The following HSF1 variants were observed in gnomAD, a reference collection of about 807,000 sequenced individuals.
The protein encoded by HSF1 is heat shock transcription factor 1, also known as heat shock factor protein 1.
HSF1 carries 32 observed loss-of-function variants against 51.7 expected under a neutral mutation model. The observed-to-expected ratio is 0.62, with a 90% CI of 0.47 to 0.83. HSF1 has a LOEUF of 0.83. Ranked by LOEUF, HSF1 falls within the 40% of genes least tolerant of loss-of-function variation. The pLI, the probability that HSF1 is intolerant of heterozygous loss-of-function variation, is 0.00. For missense variants in HSF1, 727 were observed against 717.0 expected, an observed-to-expected ratio of 1.01 and a Z score of -0.16; for synonymous variants, 396 against 309.7, an observed-to-expected ratio of 1.28 and a Z score of -2.92.
At chr8:144,311,091 G>A (rs543995213) in intron 4 of HSF1, 83 bp from the exon 5 acceptor site, 1 of 1,297,396 alleles carries the variant, frequency 7.7e-7, no homozygotes, top group Non-Finnish European at 1.1e-6. Context: ...CTCCTGCATG[G>A]GGGACAGGGA....
chr8:144,314,065 T>C lies in HSF1; in HGVS notation c.1384+11T>C, dbSNP rs782011517. Reference sequence around the variant, plus strand: ...GCAGCCCGGATTCAGGTGAGCCAAGTCCCACCGGCCCCACCTCTGCCCCCA... The same window carrying C: ...GCAGCCCGGATTCAGGTGAGCCAAGCCCCACCGGCCCCACCTCTGCCCCCA... On this transcript the variant is annotated intron_variant, in intron 12 of 12. Coordinates refer to ENST00000528838, the MANE Select transcript of HSF1 (RefSeq NM_005526.4). 1.4e-5 allele frequency: 22 copies of C among 1,603,092 alleles called. No homozygotes were observed. Among genetic ancestry groups the C allele is most frequent in the Middle Eastern group, 1.9e-4 (1 of 5,356 alleles).
In HSF1 at chr8:144,313,416, G is replaced by A. The variant is rs1588668195; in HGVS notation, c.1143-95G>A. ...GCAGGCGTACACGGGGGTGCAGCCT[G>A]GGGGGTACAGTCAAGGGGAGCCCTT... On this transcript the variant is annotated intron_variant, in intron 9 of 12. Transcript: ENST00000528838. 5 of 800,062 alleles carry A rather than the reference G, an allele frequency of 6.2e-6. No homozygotes were observed. The East Asian group carries it at 8.5e-5, about 14-fold the overall frequency. 49.6% of individuals were successfully genotyped at this position (800,062 alleles called of 1,614,324 possible). A position where few individuals can be genotyped will look rare whatever the true frequency, so the allele number is the denominator to read the frequency against.
At position 144,314,664 on chromosome 8, in the gene HSF1, A is replaced by C; in HGVS notation, c.*334A>C. On this transcript the variant is annotated 3_prime_UTR_variant, in exon 13 of 13. Coordinates refer to ENST00000528838, the MANE Select transcript of HSF1 (RefSeq NM_005526.4). ...TCCACAGAGATACACAGATATATACACACAGTGGATGGACGGACAAGACAG... is the reference window on the plus strand; with the variant it reads ...TCCACAGAGATACACAGATATATACCCACAGTGGATGGACGGACAAGACAG... 5.9e-6 allele frequency: 2 copies of C among 340,760 alleles called. No homozygotes were observed. Among genetic ancestry groups the C allele is most frequent in the Non-Finnish European group, 5.5e-6 (1 of 180,862 alleles). 21.1% of individuals were successfully genotyped at this position (340,760 alleles called of 1,614,324 possible). A position where few individuals can be genotyped will look rare whatever the true frequency, so the allele number is the denominator to read the frequency against.
chr8:144,293,252 T>C lies in HSF1; in HGVS notation c.117+1378T>C, dbSNP rs920418960. 2.0e-5 allele frequency among the ~76,000 whole-genome samples: 3 copies of C among 152,226 alleles called. No homozygotes were observed. In the East Asian group the frequency reaches 5.8e-4, roughly 29 times the overall value. ...AGAGAAGACTGGAAATCTTTGCTCTTGTTAGAAACACTTTGTGTTTGTCCC... is the reference window on the plus strand; with the variant it reads ...AGAGAAGACTGGAAATCTTTGCTCTCGTTAGAAACACTTTGTGTTTGTCCC... On this transcript the variant is annotated intron_variant, in intron 1 of 12. Coordinates refer to ENST00000528838, the MANE Select transcript of HSF1 (RefSeq NM_005526.4).
At position 144,312,013 on chromosome 8, in the gene HSF1, C is replaced by T. The variant is rs781921346; in HGVS notation, c.911C>T (p.Pro304Leu). The T allele has an allele frequency of 4.7e-5, 75 of 1,602,986 alleles. No individual in the cohort carries two copies. Among genetic ancestry groups the T allele is most frequent in the South Asian group, 2.7e-4 (24 of 90,394 alleles). The change falls in exon 9 of 13, where the codon CCG becomes CTG. Residue 304 changes from proline to leucine, a missense_variant. Physicochemically the swap from Pro to Leu is moderately conservative, Grantham distance 98 (BLOSUM62 -3). Around this residue, in one of 2 missense-constraint regions of HSF1, gnomAD observed 470 missense variants for 398.8 expected, o/e 1.18. Transcript: ENST00000528838. The part of the protein sequence containing the change: ...LVRVKEEPPS[P>L]PQSPRVEEAS... ...CGTGTCAAGGAGGAGCCCCCCAGCC[C>T]GCCTCAGAGCCCCCGGGTAGAGGAG...
At chr8:144,294,165 A>C (rs543038378) in intron 1 of HSF1, among the ~76,000 whole-genome samples, 5 of 152,128 alleles carry the variant, frequency 3.3e-5, no homozygotes, top group Non-Finnish European at 7.4e-5. Context: ...ATGAGACAGA[A>C]ACACTGACTT....
At chr8:144,311,668 G>A in intron 7 of HSF1, 32 bp from the exon 8 acceptor site, 1 of 1,610,630 alleles carries the variant, frequency 6.2e-7, no homozygotes. Flanking sequence ...GCCCCTGCCG[G>A]CACTGCATGG....
Position 144,313,502 on chromosome 8 carries a change from C to A in HSF1, c.1143-9C>A. 2 of 1,594,718 alleles carry A rather than the reference C, an allele frequency of 1.3e-6. No homozygotes were observed. Among genetic ancestry groups the A allele is most frequent in the Non-Finnish European group, 1.7e-6 (2 of 1,163,604 alleles). ...GCACTGGTTCAGGTACCGCCTTATC[C>A]CGGGCCAGGAATGAGCTCAGTGACC... On this transcript the variant is annotated splice_polypyrimidine_tract_variant and intron_variant, in intron 9 of 12. Transcript: ENST00000528838.
rs1554844829 is a variant in HSF1, at chr8:144,312,040, C to A, written c.938C>A (p.Ala313Glu). ...CCTCAGAGCCCCCGGGTAGAGGAGGCGAGTCCCGGGCGCCCATCTTCCGTG... is the reference window on the plus strand; with the variant it reads ...CCTCAGAGCCCCCGGGTAGAGGAGGAGAGTCCCGGGCGCCCATCTTCCGTG... Reference protein sequence around the residue: ...SPPQSPRVEEASPGRPSSVDT... With the variant: ...SPPQSPRVEEESPGRPSSVDT... Residue 313 changes from alanine (A) to glutamate (E), a missense_variant, in exon 9 of 13, where the codon GCG becomes GAG. Physicochemically the swap from Ala to Glu is moderately radical, Grantham distance 107. Transcript: ENST00000528838. 2 of 1,610,510 alleles carry A rather than the reference C, an allele frequency of 1.2e-6. No individual in the cohort carries two copies. Among genetic ancestry groups the A allele is most frequent in the Admixed American group, 1.7e-5 (1 of 59,906 alleles).
chr8:144,299,873 C>T (rs996279564), intron 1 of HSF1, among the ~76,000 whole-genome samples: 78 of 152,292 alleles, frequency 5.1e-4, no homozygotes, highest in African/African-American at 1.8e-3. Flanking sequence ...CGTGCCACTG[C>T]ACTCCAGCCT....
rs782338894 is a variant in HSF1 at position 144,297,194 on chromosome 8, G to A, written c.117+5320G>A. The stretch of plus-strand genomic sequence containing the variant: ...CCAGAGGAAGCAAGCAGCTCCCATC[G>A]GGTATATTGAGGGCTGTTGGCTCCA... On this transcript the variant is annotated intron_variant, in intron 1 of 12. Coordinates refer to ENST00000528838, the MANE Select transcript of HSF1 (RefSeq NM_005526.4). The surrounding 1 kb of genome is among the most constrained non-coding windows in gnomAD (Gnocchi z 4.6). 1.3e-5 allele frequency among the ~76,000 whole-genome samples: 2 copies of A among 152,166 alleles called. No individual in the cohort carries two copies. Among genetic ancestry groups the A allele is most frequent in the African/African-American group, 2.4e-5 (1 of 41,438 alleles).
chr8:144,306,658 C>T (rs782563663), intron 1 of HSF1, among the ~76,000 whole-genome samples: 4 of 152,194 alleles, frequency 2.6e-5, no homozygotes, highest in African/African-American at 4.8e-5. Context: ...CCAGCGCAGC[C>T]GGCTGGAAAA....
chr8:144,312,445 T>C (rs1392549282), intron 9 of HSF1, among the ~76,000 whole-genome samples: 3 of 152,006 alleles, frequency 2.0e-5, no homozygotes, highest in Non-Finnish European at 2.9e-5. Context: ...GCCACGGGCA[T>C]GTCCGGACAG....
chr8:144,313,303 C>T (rs1588667650), intron 9 of HSF1: 1 of 539,698 alleles, frequency 1.9e-6, no homozygotes, highest in Non-Finnish European at 3.3e-6. Flanking sequence ...AAGGGATGCC[C>T]AGCATAGGCC....
intron 1 of HSF1, among the ~76,000 whole-genome samples, chr8:144,300,489 G>A (rs953373542): frequency 1.4e-4 from 21 of 152,036 alleles, no homozygotes; most frequent in African/African-American, 4.6e-4. Flanking sequence ...AGTGTTGGGC[G>A]CGTCAGCCAC....
chr8:144,314,416 G>C lies in HSF1; in HGVS notation c.*86G>C. 1 of 1,199,800 alleles carries C rather than the reference G, an allele frequency of 8.3e-7. No homozygotes were observed. The allele number at this position is 1,199,800 out of a possible 1,614,324, so 74.3% of individuals were successfully genotyped here. On this transcript the variant is annotated 3_prime_UTR_variant, in exon 13 of 13. Transcript: ENST00000528838. ...GGAGGCAGGGCAGCCTCGCGGTCTT[G>C]GGCACTGGTGGGTCGGCCGCCATAG...
chr8:144,313,298 A>G (rs566026504), intron 9 of HSF1: 2 of 536,628 alleles, frequency 3.7e-6, no homozygotes, highest in East Asian at 3.1e-5. Flanking sequence ...TGGCAAAGGG[A>G]TGCCCAGCAT....
chr8:144,296,874 A>G (rs561088229), intron 1 of HSF1, among the ~76,000 whole-genome samples: 4 of 151,330 alleles, frequency 2.6e-5, no homozygotes, highest in Admixed American at 1.3e-4. Context: ...AGAAAAAATT[A>G]AAAAGGCTCT....
At position 144,312,254 on chromosome 8, in the gene HSF1, G is replaced by T; in HGVS notation, c.1142+10G>T. Reference sequence around the variant, plus strand: ...TAGCCTGCCTGGACAAGTGAGTGCCGCCCACCCCTGGCCCCACCCACAGCG... The same window carrying T: ...TAGCCTGCCTGGACAAGTGAGTGCCTCCCACCCCTGGCCCCACCCACAGCG... On this transcript the variant is annotated intron_variant, in intron 9 of 12. Transcript: ENST00000528838. 1 of 1,536,718 alleles carries T rather than the reference G, an allele frequency of 6.5e-7. No individual in the cohort carries two copies. Among genetic ancestry groups the T allele is most frequent in the Non-Finnish European group, 8.7e-7 (1 of 1,145,788 alleles).
Sources: gnomAD v4.1 joint callset for allele counts (sites outside exome capture counted in the v4.1 genomes callset) on GRCh38, gnomAD v4.1.1 for gene constraint, gnomAD v4.1.1 regional missense constraint, Gnocchi (gnomAD v3.1) non-coding constraint, MANE v1.5 for transcripts, NCBI Gene and HGNC (gene_info 2026-07-23, HGNC 2026-07-21) for gene names.